Variants in SYMPK observed in about 807,000 individuals in gnomAD.
SYMPK encodes symplekin.
Under a neutral mutation model 136.4 loss-of-function variants are expected in SYMPK, and 49 were observed. The ratio of observed to expected loss-of-function variants is 0.36; its 90% confidence interval spans 0.29 to 0.46. SYMPK has a LOEUF of 0.46. SYMPK is among the 20% of genes least tolerant of loss of function. The pLI is 1.00. For missense variants in SYMPK, 1,365 were observed against 1,690.0 expected, an observed-to-expected ratio of 0.81 and a Z score of 3.37; for synonymous variants, 766 against 713.0, an observed-to-expected ratio of 1.07 and a Z score of -1.19.
At chr19:45,827,726 G>A (rs1020890826) in intron 15 of SYMPK, 103 bp from the exon 16 acceptor site, 43 of 1,487,814 alleles carry the variant, frequency 2.9e-5, no homozygotes, top group East Asian at 2.5e-4. Context: ...AAAAGGGCCC[G>A]GTCCCTCACA....
At position 45,852,475 on chromosome 19, in the gene SYMPK, C is replaced by G. The variant is rs769244352; in HGVS notation, c.225+7G>C. ...CCACACCCCTTTCTCTTCTGTCAGTCACTCACATCCAGGAAGTTGTCCAGT... is the reference window on the plus strand; with the variant it reads ...CCACACCCCTTTCTCTTCTGTCAGTGACTCACATCCAGGAAGTTGTCCAGT... On this transcript the variant is annotated splice_region_variant and intron_variant, in intron 4 of 26. Coordinates refer to ENST00000245934, the MANE Select transcript of SYMPK (RefSeq NM_004819.3). The G allele has an allele frequency of 2.0e-5, 33 of 1,614,084 alleles. No homozygotes were observed. The highest frequency in any genetic ancestry group is 1.6e-4 in the Middle Eastern group (1 of 6,084).
At chr19:45,816,242 A>G (rs1970734305) in intron 25 of SYMPK, 59 bp from the exon 26 acceptor site, 10 of 1,279,680 alleles carry the variant, frequency 7.8e-6, no homozygotes, top group South Asian at 7.6e-5. Flanking sequence ...GGACGGCCGG[A>G]AAGAGAAGGA....
chr19:45,858,810 C>T (rs752352844), intron 1 of SYMPK, among the ~76,000 whole-genome samples: 2 of 152,176 alleles, frequency 1.3e-5, no homozygotes, highest in South Asian at 2.1e-4. Context: ...CCACCGCGCC[C>T]GGCCGACGAC....
At chr19:45,847,717 G>T (rs758511111) in intron 7 of SYMPK, 35 bp downstream of exon 7, 7 of 1,592,490 alleles carry the variant, frequency 4.4e-6, no homozygotes, top group Non-Finnish European at 6.0e-6. Context: ...ACTGGTGCAG[G>T]GCTGTCAGGG....
At chr19:45,835,573 A>G (rs749809814) in intron 10 of SYMPK, among the ~76,000 whole-genome samples, 1 of 152,050 alleles carries the variant, frequency 6.6e-6, no homozygotes, top group Non-Finnish European at 1.5e-5. Context: ...GTAGAGAAAC[A>G]CCATGGGAGA....
intron 25 of SYMPK, 115 bp downstream of exon 25, chr19:45,816,367 A>T (rs1475072406): frequency 1.4e-6 from 2 of 1,391,382 alleles, no homozygotes; most frequent in Non-Finnish European, 9.5e-7. Context: ...GGTGGCCCAG[A>T]GGCAGGGGTG....
At chr19:45,846,275 C>A (rs754776880) in intron 7 of SYMPK, among the ~76,000 whole-genome samples, 11 of 152,188 alleles carry the variant, frequency 7.2e-5, no homozygotes, top group Non-Finnish European at 1.3e-4. Flanking sequence ...TGACCATCAA[C>A]AGAGCATTGC....
At position 45,842,494 on chromosome 19, in the gene SYMPK, G is replaced by A. The variant is rs1332287667; in HGVS notation, c.848-5C>T. ...CCAGCGTCGGGGGCAGGTTGGCTGT[G>A]AGGAAAGTGGCAGGAGCTGTGTCTT... On this transcript the variant is annotated splice_polypyrimidine_tract_variant and splice_region_variant and intron_variant, in intron 8 of 26. Coordinates refer to ENST00000245934, the MANE Select transcript of SYMPK (RefSeq NM_004819.3). 1.2e-6 allele frequency: 2 copies of A among 1,608,604 alleles called. No individual in the cohort carries two copies. Among genetic ancestry groups the A allele is most frequent in the Admixed American group, 1.7e-5 (1 of 59,900 alleles).
chr19:45,837,907 C>T (rs987023598), intron 10 of SYMPK, among the ~76,000 whole-genome samples: 3 of 152,020 alleles, frequency 2.0e-5, no homozygotes, highest in African/African-American at 7.2e-5. Flanking sequence ...TGTAGTTCTG[C>T]CACATGAGTC....
Position 45,842,242 on chromosome 19 carries a change from CCT to C in SYMPK, c.1087+6_1087+7del, listed in dbSNP as rs1208021294. On this transcript the variant is annotated splice_donor_region_variant and intron_variant, in intron 9 of 26. Transcript: ENST00000245934. ...GTCTGCCTGCCCCACCCCACCAGCC[CCT>C]CTCACCCAGCTTCATCTTCTTGAGT... is the stretch of plus-strand genomic sequence containing the variant. 39 of 1,613,842 alleles carry C rather than the reference CCT, an allele frequency of 2.4e-5. No homozygotes were observed. The highest frequency in any genetic ancestry group is 3.1e-5 in the Non-Finnish European group (36 of 1,179,850).
At position 45,821,652 on chromosome 19, in the gene SYMPK, G is replaced by C. The variant is rs1278574559; in HGVS notation, c.2792-167C>G. Among the ~76,000 whole-genome samples the C allele has an allele frequency of 6.6e-6, 1 of 152,206 alleles. No individual in the cohort carries two copies. Among genetic ancestry groups the C allele is most frequent in the African/African-American group, 2.4e-5 (1 of 41,458 alleles). The stretch of plus-strand genomic sequence containing the variant: ...GACAACATAAAAAGGGGACACCGAA[G>C]GCAGCAGCAGCCCTCAGGCAGCGTG... On this transcript the variant is annotated intron_variant, in intron 21 of 26. Coordinates refer to ENST00000245934, the MANE Select transcript of SYMPK (RefSeq NM_004819.3). This position sits in a 1 kb window ranked among gnomAD's most constrained non-coding sequence, Gnocchi z 4.4.
intron 11 of SYMPK, among the ~76,000 whole-genome samples, chr19:45,832,542 T>C (rs773862727): frequency 2.6e-5 from 4 of 151,868 alleles, no homozygotes; most frequent in Admixed American, 6.6e-5. Context: ...ATGAAGAGAG[T>C]TGGACACAAA....
intron 5 of SYMPK, 94 bp downstream of exon 5, chr19:45,852,218 G>A: frequency 7.9e-7 from 1 of 1,258,866 alleles, no homozygotes; most frequent in Non-Finnish European, 1.2e-6. Flanking sequence ...GGAAGCAGAG[G>A]GCAGGCCTCT....
rs1555793958 is a variant in SYMPK, at chr19:45,827,631, A to G, written c.2068-8T>C. The G allele has an allele frequency of 6.2e-7, 1 of 1,612,670 alleles. No homozygotes were observed. Among genetic ancestry groups the G allele is most frequent in the South Asian group, 1.1e-5 (1 of 91,052 alleles). Reference sequence around the variant, plus strand: ...GCCCAGATAGGTGCGACTCTGCAGCAAAAGGAAAGGGACCCGAGCTCAGCC... The same window carrying G: ...GCCCAGATAGGTGCGACTCTGCAGCGAAAGGAAAGGGACCCGAGCTCAGCC... On this transcript the variant is annotated splice_region_variant and splice_polypyrimidine_tract_variant and intron_variant, in intron 15 of 26. Transcript: ENST00000245934.
rs570418516 is a variant in SYMPK, at chr19:45,836,828, G to A, written c.1243-1600C>T. On this transcript the variant is annotated intron_variant, in intron 10 of 26. Coordinates refer to ENST00000245934, the MANE Select transcript of SYMPK (RefSeq NM_004819.3). ...TAATTTTTTTATTTTTCTTTTTGTAGAGACAGGGTCTCGCTATGTTGCCAA... is the reference window on the plus strand; with the variant it reads ...TAATTTTTTTATTTTTCTTTTTGTAAAGACAGGGTCTCGCTATGTTGCCAA... Among the ~76,000 whole-genome samples the A allele has an allele frequency of 2.0e-5, 3 of 152,000 alleles. No homozygotes were observed. In the South Asian group the frequency reaches 6.2e-4, roughly 32 times the overall value.
At position 45,838,512 on chromosome 19, in the gene SYMPK, G is replaced by A. The variant is rs780626921; in HGVS notation, c.1191C>T (p.Ile397=). 2 of 1,614,012 alleles carry A rather than the reference G, an allele frequency of 1.2e-6. No individual in the cohort carries two copies. The highest frequency in any genetic ancestry group is 1.3e-5 in the African/African-American group (1 of 74,932). The change falls in exon 10 of 27, where the codon ATC becomes ATT. Residue 397 remains isoleucine, a synonymous_variant. Transcript: ENST00000245934. ...GCAGAGGCTGCAGGAACTCAGCTGT[G>A]ATGTCCGTGTCTGACTGGCCGGAGA... ...AQISGQSDTD[I]TAEFLQPLLT...
intron 1 of SYMPK, among the ~76,000 whole-genome samples, chr19:45,859,759 A>C (rs1167205058): frequency 6.6e-6 from 1 of 151,690 alleles, no homozygotes; most frequent in South Asian, 2.1e-4. Flanking sequence ...CTAAAAAAGA[A>C]GGCCAGGTGC....
In SYMPK at chr19:45,854,200, T is replaced by C. The variant is rs1235798431; in HGVS notation, c.146A>G (p.Asp49Gly). 18 of 1,613,852 alleles carry C rather than the reference T, an allele frequency of 1.1e-5. No individual in the cohort carries two copies. Among genetic ancestry groups the C allele is most frequent in the Non-Finnish European group, 1.5e-5 (18 of 1,179,954 alleles). The change falls in exon 3 of 27, where the codon GAC becomes GGC. Residue 49 changes from aspartate to glycine, a missense_variant. Physicochemically the swap from Asp to Gly is moderately conservative, Grantham distance 94. Coordinates refer to ENST00000245934, the MANE Select transcript of SYMPK (RefSeq NM_004819.3). The stretch of plus-strand genomic sequence containing the variant: ...CTGTTTGAGCACTGTGATCTTTGAG[T>C]CATTGGTGATCAGCGCCGCCTGGTT... ...LLNQAALITN[D>G]SKITVLKQVQ...
rs1460912416 is a variant in SYMPK at position 45,815,488 on chromosome 19, C to G, written c.*72G>C. The stretch of plus-strand genomic sequence containing the variant: ...TTTTATTTCTTTTTAAGGCAAAGCA[C>G]CCGCAGGTCAAGCCCCGCCCCGTCC... On this transcript the variant is annotated 3_prime_UTR_variant, in exon 27 of 27. Coordinates refer to ENST00000245934, the MANE Select transcript of SYMPK (RefSeq NM_004819.3). 3 of 1,226,400 alleles carry G rather than the reference C, an allele frequency of 2.4e-6. No homozygotes were observed. The highest frequency in any genetic ancestry group is 3.1e-5 in the African/African-American group (2 of 64,462). The allele number at this position is 1,226,400 out of a possible 1,614,324, so 76.0% of individuals were successfully genotyped here. A position where few individuals can be genotyped will look rare whatever the true frequency, so the allele number is the denominator to read the frequency against.
Sources: gnomAD v4.1 joint callset for allele counts (sites outside exome capture counted in the v4.1 genomes callset) on GRCh38, gnomAD v4.1.1 for gene constraint, Gnocchi (gnomAD v3.1) non-coding constraint, MANE v1.5 for transcripts, NCBI Gene and HGNC (gene_info 2026-07-23, HGNC 2026-07-21) for gene names.